SLC12A8: variants seen among roughly 807,000 people sequenced by gnomAD.
SLC12A8 encodes cation-chloride cotransporter 9.
Under a neutral mutation model 75.6 loss-of-function variants are expected in SLC12A8, and 69 were observed. The ratio of observed to expected loss-of-function variants is 0.91; its 90% CI spans 0.75 to 1.11. The LOEUF is 1.11. Among genes scored for constraint, SLC12A8 ranks in the 50% most tolerant of loss-of-function variants. SLC12A8 has a pLI of 0.00. For synonymous variants in SLC12A8, 365 were observed against 372.8 expected (o/e 0.98, Z 0.24); for missense variants, 877 against 896.7 (o/e 0.98, Z 0.28).
At chr3:125,110,482 C>T (rs1939160667) in intron 8 of SLC12A8, 147 bp from the exon 9 acceptor site, 3 of 665,464 alleles carry the variant, frequency 4.5e-6, no homozygotes, top group East Asian at 2.8e-5. Context: ...ACATCCCCAG[C>T]CTCGCCCCCA....
intron 13 of SLC12A8, among the ~76,000 whole-genome samples, chr3:125,086,226 G>A (rs189649214): frequency 5.3e-5 from 8 of 152,082 alleles, no homozygotes; most frequent in Non-Finnish European, 1.0e-4. Context: ...CCAAAATATC[G>A]CCCAGCAGCC....
chr3:125,093,956 A>G (rs1938647928), intron 10 of SLC12A8, among the ~76,000 whole-genome samples: 1 of 152,120 alleles, frequency 6.6e-6, no homozygotes, highest in Admixed American at 6.5e-5. Flanking sequence ...TTTCTCTATC[A>G]GCATCCATTG....
intron 5 of SLC12A8, among the ~76,000 whole-genome samples, chr3:125,165,937 C>T (rs930970719): frequency 7.2e-5 from 11 of 152,162 alleles, no homozygotes; most frequent in African/African-American, 2.2e-4. Context: ...TGATTTTTAG[C>T]TTACCCACTT....
intron 2 of SLC12A8, among the ~76,000 whole-genome samples, chr3:125,197,741 G>A (rs1397638929): frequency 6.6e-6 from 1 of 152,170 alleles, no homozygotes; most frequent in African/African-American, 2.4e-5. Context: ...TCCTGTGTGG[G>A]AGCAAGAAGA....
At chr3:125,096,885 T>C (rs1056880883) in intron 10 of SLC12A8, among the ~76,000 whole-genome samples, 1 of 152,244 alleles carries the variant, frequency 6.6e-6, no homozygotes. Context: ...AGTGTGTATT[T>C]GCTTATTTAT....
intron 2 of SLC12A8, among the ~76,000 whole-genome samples, chr3:125,191,182 C>A (rs77570110): frequency 0.033 from 4,958 of 152,226 alleles, 143 homozygotes; most frequent in Admixed American, 0.075. Context: ...TCTGCTGATA[C>A]CCCAGGATTC....
intron 10 of SLC12A8, among the ~76,000 whole-genome samples, chr3:125,102,726 G>C (rs1265905648): frequency 6.6e-6 from 1 of 152,158 alleles, no homozygotes; most frequent in Non-Finnish European, 1.5e-5. Context: ...CGTCTCTCCT[G>C]AAAATCCAAT....
intron 5 of SLC12A8, among the ~76,000 whole-genome samples, chr3:125,165,160 C>A (rs9814814): frequency 6.6e-6 from 1 of 152,106 alleles, no homozygotes; most frequent in Non-Finnish European, 1.5e-5. Context: ...TGAGAGAGTG[C>A]GGAAGGCCAT....
At position 125,083,178 on chromosome 3, in the gene SLC12A8, T is replaced by G. The variant is rs1227253160; in HGVS notation, c.*712A>C. On this transcript the variant is annotated 3_prime_UTR_variant, in exon 14 of 14. Transcript: ENST00000469902. ...TTTTGGGTGTGGAAACATGTGAGTG[T>G]ATTATTTATTTTTGAATAAATAATA... The G allele has an allele frequency of 1.3e-5, 2 of 152,240 alleles. No individual in the cohort carries two copies. The highest frequency in any genetic ancestry group is 2.9e-5 in the Non-Finnish European group (2 of 68,044). The allele number at this position is 152,240 out of a possible 1,614,324, so 9.4% of individuals were successfully genotyped here.
intron 13 of SLC12A8, among the ~76,000 whole-genome samples, chr3:125,087,904 C>T (rs1192661277): frequency 1.3e-5 from 2 of 152,220 alleles, no homozygotes; most frequent in Admixed American, 1.3e-4. Context: ...TCAACTACCT[C>T]TGACTCAGAT....
At chr3:125,173,367 A>G (rs13324726) in intron 5 of SLC12A8, among the ~76,000 whole-genome samples, 7,672 of 144,864 alleles carry the variant, frequency 0.053, 643 homozygotes, top group African/African-American at 0.18. Flanking sequence ...GTCAACTGAT[A>G]TTTGACAAAG....
chr3:125,151,765 T>C (rs1933931062), intron 5 of SLC12A8, among the ~76,000 whole-genome samples: 1 of 152,244 alleles, frequency 6.6e-6, no homozygotes, highest in Non-Finnish European at 1.5e-5. Flanking sequence ...ATTTTGAGTA[T>C]AACTTTTTAA....
At chr3:125,165,295 C>G (rs1386247216) in intron 5 of SLC12A8, among the ~76,000 whole-genome samples, 5 of 152,210 alleles carry the variant, frequency 3.3e-5, no homozygotes, top group Admixed American at 2.0e-4. Context: ...AGGGTTGAGC[C>G]CGCTGTCCTG....
At chr3:125,150,731 A>C (rs957812023) in intron 5 of SLC12A8, among the ~76,000 whole-genome samples, 1 of 152,182 alleles carries the variant, frequency 6.6e-6, no homozygotes, top group Non-Finnish European at 1.5e-5. Context: ...GGTAGGACTG[A>C]GCACATATAC....
chr3:125,150,697 C>A (rs1233436826), intron 5 of SLC12A8, among the ~76,000 whole-genome samples: 1 of 152,152 alleles, frequency 6.6e-6, no homozygotes, highest in Non-Finnish European at 1.5e-5. Flanking sequence ...CTACTCCTTG[C>A]AGTGCGATTC....
chr3:125,084,156 T>C (rs1938400270), intron 13 of SLC12A8, 104 bp from the exon 14 acceptor site: 1 of 879,342 alleles, frequency 1.1e-6, no homozygotes, highest in South Asian at 1.7e-5. Context: ...AACACACATG[T>C]ATTTAAATGT....
intron 5 of SLC12A8, among the ~76,000 whole-genome samples, chr3:125,166,087 C>T (rs58926570): frequency 0.15 from 22,736 of 152,188 alleles, 2,005 homozygotes; most frequent in East Asian, 0.21. Context: ...AAGCGTTTCG[C>T]CCAGCCCACC....
chr3:125,181,602 C>T (rs1934661288), intron 4 of SLC12A8, among the ~76,000 whole-genome samples: 2 of 93,132 alleles, frequency 2.1e-5, no homozygotes, highest in Admixed American at 1.3e-4. Flanking sequence ...AGCGAGACTC[C>T]GTCTCAAAAA....
intron 4 of SLC12A8, among the ~76,000 whole-genome samples, chr3:125,182,178 T>C (rs911111201): frequency 1.3e-5 from 2 of 151,986 alleles, no homozygotes; most frequent in Non-Finnish European, 2.9e-5. Context: ...AATTTAAAAA[T>C]TAGCTGAGCA....
Sources: gnomAD v4.1 joint callset for allele counts (sites outside exome capture counted in the v4.1 genomes callset) on GRCh38, gnomAD v4.1.1 for gene constraint, MANE v1.5 for transcripts, NCBI Gene and HGNC (gene_info 2026-07-23, HGNC 2026-07-21) for gene names.